The following PDE1A variants were observed in gnomAD, a reference collection of about 807,000 sequenced individuals.
PDE1A encodes the protein dual specificity calcium/calmodulin-dependent 3',5'-cyclic nucleotide phosphodiesterase 1A.
Under a neutral mutation model 61.7 loss-of-function variants are expected in PDE1A, and 35 were observed. That is an observed-to-expected ratio of 0.57 (90% CI 0.43 to 0.75). The LOEUF is 0.75. Ranked by LOEUF, PDE1A falls within the 30% of genes least tolerant of loss-of-function variation. PDE1A has a pLI of 0.00. For synonymous variants in PDE1A, 232 were observed against 213.2 expected (o/e 1.09, Z -0.77); for missense variants, 597 against 630.6 (o/e 0.95, Z 0.57).
chr2:182,281,934 CAA>C (rs1212849844), intron 1 of PDE1A, among the ~76,000 whole-genome samples: 1 of 151,676 alleles, frequency 6.6e-6, no homozygotes, highest in Non-Finnish European at 1.5e-5. Flanking sequence ...AGAAAAGAAA[CAA>C]ATATATTATT....
rs1434076936 is a variant in PDE1A, at chr2:182,214,061, G to A, written c.777-7996C>T. ...CAAAGGGAAGCCCATCAGACTAACA[G>A]CGGATCTCTCGGCAGAAACCCTACA... On this transcript the variant is annotated intron_variant, in intron 7 of 13. Coordinates refer to ENST00000351439, the Ensembl canonical transcript of PDE1A. Among the ~76,000 whole-genome samples, 209 of 146,030 alleles carry A rather than the reference G, an allele frequency of 1.4e-3. 2 individuals carry two copies. The highest frequency in any genetic ancestry group is 5.2e-3 in the African/African-American group (203 of 39,290).
intron 7 of PDE1A, among the ~76,000 whole-genome samples, chr2:182,219,185 A>G (rs1688510230): frequency 6.6e-6 from 1 of 152,146 alleles, no homozygotes; most frequent in Non-Finnish European, 1.5e-5. Context: ...AAGAAAACTT[A>G]AAATGTATGC....
At chr2:182,636,436 C>G in the PDE1A span, among the ~76,000 whole-genome samples, 2 of 151,822 alleles carry the variant, frequency 1.3e-5, no homozygotes, top group African/African-American at 4.8e-5. Flanking sequence ...TAGGTTTGTA[C>G]GGGAAGTTCA....
the PDE1A span, among the ~76,000 whole-genome samples, chr2:182,703,484 C>T: frequency 8.5e-5 from 13 of 152,188 alleles, no homozygotes; most frequent in Middle Eastern, 3.4e-3. Flanking sequence ...ACCCAGCTCC[C>T]GGGTTGGGTA....
At chr2:182,627,058 A>AT in the PDE1A span, among the ~76,000 whole-genome samples, 4 of 1,792 alleles carry the variant, frequency 2.2e-3, no homozygotes, top group Non-Finnish European at 3.1e-3. Flanking sequence ...TATATAAAAT[A>AT]TAATATATTA....
exon 14 of PDE1A, chr2:182,168,226 C>A (rs750809323): frequency 6.4e-7 from 1 of 1,573,986 alleles, no homozygotes; most frequent in Non-Finnish European, 8.6e-7. Context: ...CCACCATGCA[C>A]GAGGTTTTAC....
At chr2:182,331,760 T>C (rs1697425652) in intron 1 of PDE1A, among the ~76,000 whole-genome samples, 2 of 152,184 alleles carry the variant, frequency 1.3e-5, no homozygotes, top group Admixed American at 6.5e-5. Flanking sequence ...ACCCGACCTT[T>C]CTTTCTGGCT....
In PDE1A at chr2:182,260,116, G is replaced by C. The variant is rs113937103; in HGVS notation, c.167+4185C>G. On this transcript the variant is annotated intron_variant, in intron 2 of 13. Coordinates refer to ENST00000351439, the Ensembl canonical transcript of PDE1A. ...ATCTTTAAAGGGAGATTTTTGTTTT[G>C]ATTGCTTTCTTAACTGAAATTCTGC... is the stretch of plus-strand genomic sequence containing the variant. Among the ~76,000 whole-genome samples, 239 of 152,108 alleles carry C rather than the reference G, an allele frequency of 1.6e-3. 3 individuals are homozygous for C. Among genetic ancestry groups the C allele is most frequent in the African/African-American group, 5.5e-3 (227 of 41,496 alleles).
intron 2 of PDE1A, among the ~76,000 whole-genome samples, chr2:182,471,395 T>C (rs961172286): frequency 1.3e-5 from 2 of 151,804 alleles, no homozygotes; most frequent in Non-Finnish European, 2.9e-5. Context: ...ATTATTGATG[T>C]TCTCACAAGA....
At chr2:182,627,864 A>C in the PDE1A span, among the ~76,000 whole-genome samples, 1 of 151,844 alleles carries the variant, frequency 6.6e-6, no homozygotes, top group Non-Finnish European at 1.5e-5. Context: ...GAATCACTTG[A>C]ACCCGGGAGG....
chr2:182,560,081 A>G, the PDE1A span, among the ~76,000 whole-genome samples: 2 of 144,848 alleles, frequency 1.4e-5, no homozygotes, highest in African/African-American at 5.0e-5. Context: ...TTTTTTTTAT[A>G]CTTTAAGTTT....
chr2:182,197,542 T>C (rs1049098753), intron 10 of PDE1A, among the ~76,000 whole-genome samples: 2 of 151,798 alleles, frequency 1.3e-5, no homozygotes, highest in Non-Finnish European at 3.0e-5. Context: ...AGGTTTTGTC[T>C]TAAACTCCTT....
At chr2:182,648,040 G>C in the PDE1A span, among the ~76,000 whole-genome samples, 1 of 152,190 alleles carries the variant, frequency 6.6e-6, no homozygotes, top group East Asian at 1.9e-4. Flanking sequence ...GAACTGACTA[G>C]AACACTTGTT....
intron 7 of PDE1A, among the ~76,000 whole-genome samples, chr2:182,220,484 AT>A (rs1328063273): frequency 2.6e-5 from 4 of 152,134 alleles, no homozygotes; most frequent in Non-Finnish European, 4.4e-5. Flanking sequence ...CAAAGTATGC[AT>A]GATTTTGTCT....
chr2:182,713,871 A>C, the PDE1A span, among the ~76,000 whole-genome samples: 3 of 152,082 alleles, frequency 2.0e-5, no homozygotes, highest in Non-Finnish European at 4.4e-5. Context: ...TGTACTTGCT[A>C]TTTCCATTTC....
intron 13 of PDE1A, among the ~76,000 whole-genome samples, chr2:182,170,036 G>A (rs1438281740): frequency 2.0e-5 from 3 of 151,554 alleles, no homozygotes; most frequent in Non-Finnish European, 4.4e-5. Context: ...GCTGCTGTCA[G>A]AATCCTTCCA....
chr2:182,277,976 G>T (rs968941505), intron 1 of PDE1A, among the ~76,000 whole-genome samples: 5 of 151,974 alleles, frequency 3.3e-5, no homozygotes, highest in African/African-American at 4.8e-5. Flanking sequence ...CTCCACTACA[G>T]TGTATTCAAT....
chr2:182,172,616 C>T (rs1048282455), intron 13 of PDE1A, among the ~76,000 whole-genome samples: 3 of 152,020 alleles, frequency 2.0e-5, no homozygotes, highest in Non-Finnish European at 2.9e-5. Flanking sequence ...AAATGCATTT[C>T]TCACTTCTTA....
At chr2:182,445,663 G>A (rs1316249043) in intron 2 of PDE1A, among the ~76,000 whole-genome samples, 1 of 152,082 alleles carries the variant, frequency 6.6e-6, no homozygotes, top group Non-Finnish European at 1.5e-5. Flanking sequence ...AAATACCATA[G>A]AGCTTTTAAT....
Sources: allele counts gnomAD v4.1 joint callset (sites outside exome capture counted in the v4.1 genomes callset), GRCh38; gene constraint gnomAD v4.1.1; transcripts MANE v1.5; gene names NCBI Gene and HGNC (gene_info 2026-07-23, HGNC 2026-07-21).